TBC1D23: variants seen among roughly 807,000 people sequenced by gnomAD.
The protein encoded by TBC1D23 is TBC1 domain family member 23.
A neutral mutation model predicts 91.4 loss-of-function variants in TBC1D23; 55 were observed. That is an observed-to-expected ratio of 0.60 (90% CI 0.48 to 0.75). The LOEUF is 0.75. TBC1D23 is among the 30% of genes least tolerant of loss of function. The pLI, the probability that TBC1D23 is intolerant of heterozygous loss-of-function variation, is 0.00. For missense variants in TBC1D23, 725 were observed against 836.1 expected (o/e 0.87, Z 1.64); for synonymous variants, 289 against 281.0 (o/e 1.03, Z -0.28).
chr3:100,298,477 A>T (rs778508214), intron 9 of TBC1D23, among the ~76,000 whole-genome samples: 4 of 152,218 alleles, frequency 2.6e-5, no homozygotes, highest in Admixed American at 6.5e-5. Context: ...TGAAAATCTA[A>T]TAAGTCAATT....
chr3:100,280,642 G>C (rs1260640651), intron 2 of TBC1D23, among the ~76,000 whole-genome samples: 1 of 152,138 alleles, frequency 6.6e-6, no homozygotes, highest in African/African-American at 2.4e-5. Context: ...AATTAAAACT[G>C]TACACAGCAT....
intron 4 of TBC1D23, among the ~76,000 whole-genome samples, chr3:100,290,119 A>C (rs1266163584): frequency 6.6e-6 from 1 of 152,104 alleles, no homozygotes; most frequent in Non-Finnish European, 1.5e-5. Flanking sequence ...ACAGTTTTTA[A>C]GGCCATTATT....
intron 15 of TBC1D23, 47 bp from the exon 16 acceptor site, chr3:100,316,052 A>G (rs186160981): frequency 1.3e-4 from 184 of 1,443,768 alleles, no homozygotes; most frequent in Admixed American, 8.4e-4. Context: ...AAAATCTTTG[A>G]TAACTTCTTA....
chr3:100,312,469 G>A (rs1349635761), intron 15 of TBC1D23, among the ~76,000 whole-genome samples: 1 of 151,986 alleles, frequency 6.6e-6, no homozygotes, highest in Non-Finnish European at 1.5e-5. Flanking sequence ...CTAGGTAGTT[G>A]ATTACTTTAA....
intron 18 of TBC1D23, among the ~76,000 whole-genome samples, chr3:100,321,621 A>C (rs1576190799): frequency 6.6e-6 from 1 of 152,298 alleles, no homozygotes; most frequent in East Asian, 1.9e-4. Flanking sequence ...TTGTTCCCCC[A>C]CTGGGATTTA....
intron 13 of TBC1D23, among the ~76,000 whole-genome samples, chr3:100,309,900 CGCCCA>C (rs1366582189): frequency 6.6e-6 from 1 of 152,096 alleles, no homozygotes; most frequent in African/African-American, 2.4e-5. Flanking sequence ...TGAGCCACCG[CGCCCA>C]GCATCTACCT....
Position 100,268,860 on chromosome 3 carries a change from G to C in TBC1D23, c.53+7789G>C, listed in dbSNP as rs566560531. Among the ~76,000 whole-genome samples, 10 of 152,332 alleles carry C rather than the reference G, an allele frequency of 6.6e-5. No homozygotes were observed. The South Asian group carries it at 2.1e-3, about 32-fold the overall frequency. ...TTTAGAGTGCTCGCTGAAGTTGACT[G>C]CTCATTAGAGAAATTTCCAATTTTG... On this transcript the variant is annotated intron_variant, in intron 1 of 18. Transcript: ENST00000394144.
At chr3:100,297,869 G>A (rs914087880) in intron 8 of TBC1D23, 54 bp from the exon 9 acceptor site, 4 of 1,432,082 alleles carry the variant, frequency 2.8e-6, no homozygotes, top group Non-Finnish European at 3.8e-6. Context: ...AATATTTTTA[G>A]GAAGAAAGTT....
rs773272306 is a variant in TBC1D23 at position 100,304,842 on chromosome 3, A to G, written c.1264-4A>G. On this transcript the variant is annotated splice_polypyrimidine_tract_variant and splice_region_variant and intron_variant, in intron 11 of 18. Transcript: ENST00000394144. The stretch of plus-strand genomic sequence containing the variant: ...AAGAATTTAAATTTTCTTTTCCATT[A>G]CAGAAAAACAAAGAATATGTGAGTA... 5 of 1,451,544 alleles carry G rather than the reference A, an allele frequency of 3.4e-6. No individual in the cohort carries two copies. The highest frequency in any genetic ancestry group is 1.7e-4 in the Middle Eastern group (1 of 5,772). The allele number at this position is 1,451,544 out of a possible 1,614,324, so 89.9% of individuals were successfully genotyped here. A position where few individuals can be genotyped will look rare whatever the true frequency, so the allele number is the denominator to read the frequency against.
intron 11 of TBC1D23, among the ~76,000 whole-genome samples, chr3:100,303,781 T>C (rs1017637886): frequency 6.6e-5 from 10 of 152,008 alleles, no homozygotes; most frequent in African/African-American, 1.4e-4. Flanking sequence ...AAAAACAAAA[T>C]AAAATAAAAA....
intron 10 of TBC1D23, among the ~76,000 whole-genome samples, chr3:100,300,936 A>G (rs2148864303): frequency 6.6e-6 from 1 of 152,282 alleles, no homozygotes; most frequent in East Asian, 1.9e-4. Context: ...ATTTAAGTAC[A>G]TTCTTTCTAA....
At chr3:100,290,161 G>C (rs1318696335) in intron 4 of TBC1D23, among the ~76,000 whole-genome samples, 2 of 152,140 alleles carry the variant, frequency 1.3e-5, no homozygotes, top group East Asian at 1.9e-4. Context: ...TTTCAGACTT[G>C]TACTTTGCTA....
intron 5 of TBC1D23, among the ~76,000 whole-genome samples, chr3:100,293,687 C>T (rs1201285118): frequency 6.6e-6 from 1 of 152,086 alleles, no homozygotes; most frequent in Non-Finnish European, 1.5e-5. Context: ...TTTTAAAAGC[C>T]TTGTGGTCAA....
At chr3:100,274,597 C>G (rs974251098) in intron 1 of TBC1D23, among the ~76,000 whole-genome samples, 4 of 151,720 alleles carry the variant, frequency 2.6e-5, no homozygotes, top group Admixed American at 2.6e-4. Flanking sequence ...CTGGTAACCG[C>G]TCTCTAAATT....
chr3:100,321,110 T>C (rs1260403546), intron 18 of TBC1D23, 139 bp downstream of exon 18: 12 of 644,892 alleles, frequency 1.9e-5, no homozygotes, highest in Non-Finnish European at 2.8e-5. Flanking sequence ...GTGTTTCTTA[T>C]CTCTTTCTCC....
intron 1 of TBC1D23, chr3:100,267,251 A>G (rs1053137861): frequency 1.3e-5 from 6 of 450,688 alleles, no homozygotes; most frequent in Non-Finnish European, 2.7e-5. Context: ...GAAAGCAGGT[A>G]AGTACCTTCC....
chr3:100,261,099 A>C (rs143580360), intron 1 of TBC1D23, 28 bp downstream of exon 1: 4 of 1,602,264 alleles, frequency 2.5e-6, no homozygotes, highest in Non-Finnish European at 3.4e-6. Flanking sequence ...CTAATTTCCA[A>C]TGCCCCTTTA....
At chr3:100,311,784 A>AT (rs3217495) in intron 14 of TBC1D23, 49 bp from the exon 15 acceptor site, 329,405 of 1,363,332 alleles carry the variant, frequency 0.24, 41,898 homozygotes, top group East Asian at 0.5. Flanking sequence ...AAGCTGTTGC[A>AT]TTTTTTTTAT....
At position 100,323,661 on chromosome 3, in the gene TBC1D23, A is replaced by G. The variant is rs1449758780; in HGVS notation, c.2093A>G (p.Glu698Gly). 1.3e-6 allele frequency: 2 copies of G among 1,510,008 alleles called. No homozygotes were observed. The highest frequency in any genetic ancestry group is 2.4e-5 in the East Asian group (1 of 41,140). 93.5% of individuals were successfully genotyped at this position (1,510,008 alleles called of 1,614,324 possible). A position where few individuals can be genotyped will look rare whatever the true frequency, so the allele number is the denominator to read the frequency against. Residue 698 changes from glutamate to glycine, a missense_variant, in exon 19 of 19, where the codon GAA becomes GGA. Physicochemically the swap from Glu to Gly is moderately conservative, Grantham distance 98 (BLOSUM62 -2). Transcript: ENST00000394144. ...QQIMKVLDAL[E>G]S ...ATCATGAAAGTTTTGGATGCTTTGG[A>G]AAGTTAATATAAAAGAAAATTATAT...
Sources: allele counts gnomAD v4.1 joint callset (sites outside exome capture counted in the v4.1 genomes callset), GRCh38; gene constraint gnomAD v4.1.1; transcripts MANE v1.5; gene names NCBI Gene and HGNC (gene_info 2026-07-23, HGNC 2026-07-21).